Variants in HFM1 observed in about 807,000 individuals in gnomAD.
HFM1 encodes helicase for meiosis 1, also known as probable ATP-dependent DNA helicase HFM1.
A neutral mutation model predicts 192.1 loss-of-function variants in HFM1; 169 were observed. The observed-to-expected ratio is 0.88, with a 90% CI of 0.78 to 1.00. HFM1 has a LOEUF of 1.00. HFM1 is among the 50% of genes least tolerant of loss of function. The pLI, the probability that HFM1 is intolerant of heterozygous loss-of-function variation, is 0.00. For synonymous variants in HFM1, 525 were observed against 537.8 expected, an observed-to-expected ratio of 0.98 and a Z score of 0.33; for missense variants, 1,661 against 1,668.0, an observed-to-expected ratio of 1.00 and a Z score of 0.07.
At chr1:91,277,761 A>G (rs1234446931) in intron 30 of HFM1, among the ~76,000 whole-genome samples, 1 of 121,564 alleles carries the variant, frequency 8.2e-6, no homozygotes, top group African/African-American at 3.3e-5. Flanking sequence ...TATATATAAT[A>G]TATACTAATA....
rs767828285 is a variant in HFM1, at chr1:91,394,262, C to T, written c.325G>A (p.Val109Ile). ...ATATGTGATAAGTCATTATTACCTA[C>T]CCCTTCTAAATTTAGATCATCCTGT... ...YEQDDLNLEG[V>I]GNNDLSHIAG... is the part of the protein sequence containing the mutation. Residue 109 changes from valine to isoleucine, a missense_variant, in exon 4 of 39, where the codon GTA (valine) becomes ATA (isoleucine). Physicochemically the swap from Val to Ile is conservative, Grantham distance 29. Transcript: ENST00000370425. 1.9e-6 allele frequency: 3 copies of T among 1,597,392 alleles called. No individual in the cohort carries two copies. Among genetic ancestry groups the T allele is most frequent in the East Asian group, 2.2e-5 (1 of 44,732 alleles).
chr1:91,329,244 G>A, intron 20 of HFM1: 1 of 1,609,782 alleles, frequency 6.2e-7, no homozygotes, highest in Non-Finnish European at 8.5e-7. Context: ...TGAGGTGCTG[G>A]GCCCAGAGTC....
chr1:91,404,161 A>T (rs921160358), intron 1 of HFM1, among the ~76,000 whole-genome samples: 1 of 152,178 alleles, frequency 6.6e-6, no homozygotes, highest in Non-Finnish European at 1.5e-5. Flanking sequence ...AGGACCATAC[A>T]ATTGTCGGAG....
At chr1:91,364,628 A>AT (rs1407868515) in intron 13 of HFM1, among the ~76,000 whole-genome samples, 3,929 of 58,804 alleles carry the variant, frequency 0.067, 128 homozygotes, top group Non-Finnish European at 0.084. Flanking sequence ...ATATATATAT[A>AT]TATATTTTTT....
At chr1:91,353,822 T>C (rs1383589915) in intron 13 of HFM1, among the ~76,000 whole-genome samples, 1 of 151,280 alleles carries the variant, frequency 6.6e-6, no homozygotes, top group Non-Finnish European at 1.5e-5. Context: ...ACTAACTACA[T>C]TTTGAACAGA....
In HFM1 at chr1:91,379,088, T is replaced by A; in HGVS notation, c.1133A>T (p.His378Leu). The A allele has an allele frequency of 6.3e-7, 1 of 1,588,672 alleles. No individual in the cohort carries two copies. Among genetic ancestry groups the A allele is most frequent in the South Asian group, 1.2e-5 (1 of 86,754 alleles). ...TGGAGTTGTCATAATAATATGGGCA[T>A]GCTGAATCTCAAATAGATCATCCAT... ...TVMDDLFEIQ[H>L]AHIIMTTPEK... Residue 378 changes from histidine (H) to leucine (L), a missense_variant, in exon 9 of 39, where the codon CAT (histidine) becomes CTT (leucine). Physicochemically the swap from His to Leu is moderately conservative, Grantham distance 99 (BLOSUM62 -3). Coordinates refer to ENST00000370425, the MANE Select transcript of HFM1 (RefSeq NM_001017975.6).
At chr1:91,280,621 C>A (rs1232694418) in intron 30 of HFM1, among the ~76,000 whole-genome samples, 1 of 152,188 alleles carries the variant, frequency 6.6e-6, no homozygotes, top group Non-Finnish European at 1.5e-5. Context: ...ACTTGCCATG[C>A]GGCAGTTTCT....
At chr1:91,352,727 T>C in intron 15 of HFM1, 76 bp from the exon 16 acceptor site, 1 of 1,108,656 alleles carries the variant, frequency 9.0e-7, no homozygotes, top group Non-Finnish European at 1.2e-6. Flanking sequence ...ATAAAAGACA[T>C]TCTTATAAAT....
At chr1:91,304,205 G>A (rs762035518) in intron 30 of HFM1, among the ~76,000 whole-genome samples, 10 of 152,028 alleles carry the variant, frequency 6.6e-5, no homozygotes, top group Non-Finnish European at 1.3e-4. Flanking sequence ...TGAAGTGTAA[G>A]ATTTCTTTAT....
At chr1:91,384,018 T>C (rs1241750731) in intron 6 of HFM1, among the ~76,000 whole-genome samples, 1 of 152,216 alleles carries the variant, frequency 6.6e-6, no homozygotes, top group African/African-American at 2.4e-5. Flanking sequence ...CCTTTGACCT[T>C]GGTATTCATG....
chr1:91,394,095 T>G lies in HFM1; in HGVS notation c.492A>C (p.Lys164Asn). 1 of 1,476,458 alleles carries G rather than the reference T, an allele frequency of 6.8e-7. No homozygotes were observed. The highest frequency in any genetic ancestry group is 9.2e-7 in the Non-Finnish European group (1 of 1,084,068). 91.5% of individuals were successfully genotyped at this position (1,476,458 alleles called of 1,614,324 possible). A position where few individuals can be genotyped will look rare whatever the true frequency, so the allele number is the denominator to read the frequency against. ...TTTAGTTTAATTATAATAATTACCT[T>G]TTCCGGAATACTGATGTGCTCTCTC... ...DKGESTSVFR[K>N]RLFKISDNIH... The change falls in exon 4 of 39, where the codon AAA (lysine) becomes AAC (asparagine). Residue 164 changes from lysine to asparagine, a missense_variant and splice_region_variant. By Grantham distance (94) the Lys-to-Asn change is moderately conservative. Transcript: ENST00000370425.
chr1:91,277,524 T>A (rs1483566107), intron 30 of HFM1, among the ~76,000 whole-genome samples: 6 of 143,144 alleles, frequency 4.2e-5, no homozygotes, highest in African/African-American at 7.7e-5. Context: ...TGTGTGTGTG[T>A]GTGTATACTT....
chr1:91,335,721 G>T (rs1020740670), intron 20 of HFM1, among the ~76,000 whole-genome samples: 3 of 151,868 alleles, frequency 2.0e-5, no homozygotes, highest in African/African-American at 7.3e-5. Context: ...ACAGTGGTAG[G>T]GAGCATGGAG....
chr1:91,371,980 T>C (rs979181687), intron 13 of HFM1, among the ~76,000 whole-genome samples: 1 of 151,962 alleles, frequency 6.6e-6, no homozygotes, highest in Non-Finnish European at 1.5e-5. Flanking sequence ...AACAGACACA[T>C]GAAAAAATGC....
chr1:91,342,142 A>AG (rs1557878704), intron 20 of HFM1, among the ~76,000 whole-genome samples: 4 of 106,270 alleles, frequency 3.8e-5, no homozygotes. Flanking sequence ...TGAAAAAAAA[A>AG]AAAAAAAAAT....
intron 18 of HFM1, among the ~76,000 whole-genome samples, chr1:91,348,907 G>A (rs1173354206): frequency 6.6e-6 from 1 of 152,102 alleles, no homozygotes; most frequent in Admixed American, 6.6e-5. Flanking sequence ...CTGGGCAACA[G>A]AGTGACAGCC....
intron 38 of HFM1, 123 bp from the exon 39 acceptor site, chr1:91,261,482 T>A: frequency 2.2e-6 from 1 of 449,742 alleles, no homozygotes; most frequent in Non-Finnish European, 3.8e-6. Flanking sequence ...GAAGTTAATG[T>A]ATCAAATAAA....
intron 33 of HFM1, among the ~76,000 whole-genome samples, chr1:91,274,388 A>C (rs1666607971): frequency 6.6e-6 from 1 of 152,076 alleles, no homozygotes. Flanking sequence ...TCTAAATGGA[A>C]AGGTTAGACT....
At chr1:91,298,855 C>T (rs1383102315) in intron 30 of HFM1, among the ~76,000 whole-genome samples, 44 of 152,072 alleles carry the variant, frequency 2.9e-4, no homozygotes, top group Non-Finnish European at 5.6e-4. Context: ...TAAAGACCAT[C>T]GAGGCTAGGA....
Sources: allele counts gnomAD v4.1 joint callset (sites outside exome capture counted in the v4.1 genomes callset), GRCh38; gene constraint gnomAD v4.1.1; transcripts MANE v1.5; gene names NCBI Gene and HGNC (gene_info 2026-07-23, HGNC 2026-07-21).